Variants in CDH12 observed in about 807,000 individuals in gnomAD.
The protein encoded by CDH12 is cadherin-12.
A neutral mutation model predicts 74.1 loss-of-function variants in CDH12; 41 were observed. The observed-to-expected ratio is 0.55, with a 90% CI of 0.43 to 0.72. CDH12 has a LOEUF of 0.72. CDH12 is among the 30% of genes least tolerant of loss of function. The pLI, the probability that CDH12 is intolerant of heterozygous loss-of-function variation, is 0.00. For missense variants in CDH12, 945 were observed against 977.2 expected (o/e 0.97, Z 0.44); for synonymous variants, 399 against 355.0 (o/e 1.12, Z -1.39).
At chr5:22,391,737 A>G (rs1742257397) in intron 3 of CDH12, among the ~76,000 whole-genome samples, 1 of 152,182 alleles carries the variant, frequency 6.6e-6, no homozygotes, top group Non-Finnish European at 1.5e-5. Flanking sequence ...CACTCATTTA[A>G]AGATTCATTT....
chr5:22,025,533 A>G (rs1738289209), intron 5 of CDH12, among the ~76,000 whole-genome samples: 1 of 152,126 alleles, frequency 6.6e-6, no homozygotes, highest in Admixed American at 6.6e-5. Flanking sequence ...CTTGATGTTG[A>G]TGGTTGTTAA....
rs269887 is a variant in CDH12, at chr5:22,596,368, G to A, written c.-522-91004C>T. Among the ~76,000 whole-genome samples, 97 of 152,138 alleles carry A rather than the reference G, an allele frequency of 6.4e-4. 1 individual carries two copies. The East Asian group carries it at 0.015, about 23-fold the overall frequency. On this transcript the variant is annotated intron_variant, in intron 1 of 14. Transcript: ENST00000382254. ...AGGCAGGAGAATCTCTTGAACCCAG[G>A]AGGCAGAGGCTGTAGTGAGCCAAGA...
At chr5:21,825,231 G>A (rs970351652) in intron 8 of CDH12, among the ~76,000 whole-genome samples, 3 of 151,646 alleles carry the variant, frequency 2.0e-5, no homozygotes, top group Non-Finnish European at 4.4e-5. Flanking sequence ...AAAGCATCCT[G>A]ATATTTCCAT....
At chr5:22,153,889 A>ATATGTATATATATAT (rs1561168560) in intron 4 of CDH12, among the ~76,000 whole-genome samples, 9 of 42,058 alleles carry the variant, frequency 2.1e-4, no homozygotes, top group Non-Finnish European at 3.1e-4. Context: ...TATATATATA[A>ATATGTATATATATAT]ATATATATAT....
At chr5:22,254,594 T>C (rs1432779966) in intron 3 of CDH12, among the ~76,000 whole-genome samples, 1 of 151,882 alleles carries the variant, frequency 6.6e-6, no homozygotes, top group Non-Finnish European at 1.5e-5. Flanking sequence ...TGAAATCATC[T>C]GTTCAACAAA....
chr5:21,936,401 T>A (rs1755076259), intron 6 of CDH12, among the ~76,000 whole-genome samples: 1 of 152,206 alleles, frequency 6.6e-6, no homozygotes, highest in Non-Finnish European at 1.5e-5. Flanking sequence ...CTCTTTTATT[T>A]TTTTAAGTTT....
chr5:22,037,509 G>A (rs1278911472), intron 5 of CDH12, among the ~76,000 whole-genome samples: 1 of 152,142 alleles, frequency 6.6e-6, no homozygotes, highest in East Asian at 1.9e-4. Flanking sequence ...CAGATGGAAT[G>A]CAGTGCTGAC....
chr5:21,752,353 T>C, intron 14 of CDH12, 117 bp from the exon 15 acceptor site: 1 of 813,862 alleles, frequency 1.2e-6, no homozygotes, highest in Non-Finnish European at 1.9e-6. Flanking sequence ...CTCCTGTTAC[T>C]TTCATAGTAA....
chr5:21,830,252 C>T (rs1198021927), intron 8 of CDH12, among the ~76,000 whole-genome samples: 1 of 137,188 alleles, frequency 7.3e-6, no homozygotes, highest in East Asian at 2.5e-4. Flanking sequence ...TTGACTCTCA[C>T]TTCTCTGCTT....
At chr5:21,932,019 C>T (rs527299773) in intron 6 of CDH12, among the ~76,000 whole-genome samples, 38 of 152,270 alleles carry the variant, frequency 2.5e-4, no homozygotes, top group Non-Finnish European at 4.7e-4. Flanking sequence ...ATAATCACGG[C>T]ATTTTAACAA....
chr5:22,768,820 C>G (rs73745208), intron 1 of CDH12, among the ~76,000 whole-genome samples: 1,737 of 152,150 alleles, frequency 0.011, 36 homozygotes, highest in African/African-American at 0.04. Context: ...ATCTGACATC[C>G]TATAATTGTG....
intron 3 of CDH12, among the ~76,000 whole-genome samples, chr5:22,224,576 A>G (rs1752131192): frequency 6.6e-6 from 1 of 152,110 alleles, no homozygotes; most frequent in South Asian, 2.1e-4. Context: ...GTACGTATGT[A>G]GTTTTTAAAA....
intron 1 of CDH12, among the ~76,000 whole-genome samples, chr5:22,511,813 T>G (rs1182688719): frequency 6.6e-6 from 1 of 152,232 alleles, no homozygotes; most frequent in African/African-American, 2.4e-5. Flanking sequence ...AACACTGGCA[T>G]TTTTGAAAAG....
intron 5 of CDH12, among the ~76,000 whole-genome samples, chr5:22,052,479 G>A (rs939765112): frequency 3.3e-5 from 5 of 152,068 alleles, no homozygotes; most frequent in Admixed American, 6.6e-5. Context: ...CTTGTGTAGA[G>A]GCACAGACCT....
rs78139876 is a variant in CDH12 at position 22,594,898 on chromosome 5, T to C, written c.-522-89534A>G. 1.8e-3 allele frequency among the ~76,000 whole-genome samples: 278 copies of C among 152,264 alleles called. 1 individual carries two copies. Among genetic ancestry groups the C allele is most frequent in the African/African-American group, 6.4e-3 (267 of 41,564 alleles). On this transcript the variant is annotated intron_variant, in intron 1 of 14. Coordinates refer to ENST00000382254, the MANE Select transcript of CDH12 (RefSeq NM_004061.5). Reference sequence around the variant, plus strand: ...ATGCTTCTATTAGCCTTCCTTCAATTAGTGATTCATAGCTATCTTGGATTT... The same window carrying C: ...ATGCTTCTATTAGCCTTCCTTCAATCAGTGATTCATAGCTATCTTGGATTT...
chr5:22,637,326 G>A (rs1738892497), intron 1 of CDH12, among the ~76,000 whole-genome samples: 1 of 152,158 alleles, frequency 6.6e-6, no homozygotes, highest in Non-Finnish European at 1.5e-5. Context: ...AACATGTGAA[G>A]AAAATTCTCT....
intron 6 of CDH12, among the ~76,000 whole-genome samples, chr5:21,885,329 C>T (rs1274121191): frequency 2.6e-5 from 4 of 152,156 alleles, no homozygotes; most frequent in African/African-American, 9.7e-5. Context: ...GGTTGTACAA[C>T]TTTAGTTTTA....
intron 1 of CDH12, among the ~76,000 whole-genome samples, chr5:22,831,363 G>GTGTGTC (rs756204491): frequency 0.052 from 6,981 of 134,728 alleles, 230 homozygotes; most frequent in South Asian, 0.15. Flanking sequence ...GTGTGTGTGT[G>GTGTGTC]TGTGTGTCTG....
In CDH12 at chr5:21,863,897, C is replaced by A. The variant is rs1751186600; in HGVS notation, c.527-9107G>T. Among the ~76,000 whole-genome samples, 3 of 152,174 alleles carry A rather than the reference C, an allele frequency of 2.0e-5. No homozygotes were observed. The South Asian group carries it at 6.2e-4, about 32-fold the overall frequency. ...GAGATTTCATGTAGCAAATCAGTTT[C>A]TTTTTGCTTTTGTCTTGTGTATATA... On this transcript the variant is annotated intron_variant, in intron 6 of 14. Transcript: ENST00000382254.
Sources: allele counts gnomAD v4.1 joint callset (sites outside exome capture counted in the v4.1 genomes callset), GRCh38; gene constraint gnomAD v4.1.1; transcripts MANE v1.5; gene names NCBI Gene and HGNC (gene_info 2026-07-23, HGNC 2026-07-21).